RASSF2: variants seen among roughly 807,000 people sequenced by gnomAD.
RASSF2 encodes ras association domain-containing protein 2.
A neutral mutation model predicts 46.3 loss-of-function variants in RASSF2; 34 were observed. The observed-to-expected ratio is 0.73, with a 90% CI of 0.56 to 0.98. RASSF2 has a LOEUF of 0.98. Among genes scored for constraint, RASSF2 ranks in the 50% least tolerant of loss-of-function variants. The probability of loss-of-function intolerance (pLI) is 0.00; values close to 1 mark genes in which losing one functional copy is unlikely to be tolerated. For missense variants in RASSF2, 364 were observed against 431.2 expected (o/e 0.84, Z 1.38); for synonymous variants, 158 against 162.5 (o/e 0.97, Z 0.21).
intron 5 of RASSF2, among the ~76,000 whole-genome samples, chr20:4,793,878 T>C (rs1926112041): frequency 6.6e-6 from 1 of 152,106 alleles, no homozygotes; most frequent in Admixed American, 6.5e-5. Flanking sequence ...ACCAAAGTAT[T>C]TTGCAGAGTC....
intron 10 of RASSF2, among the ~76,000 whole-genome samples, chr20:4,787,194 G>T (rs1925431789): frequency 6.6e-6 from 1 of 152,142 alleles, no homozygotes; most frequent in Non-Finnish European, 1.5e-5. Flanking sequence ...ACTGGCTTTG[G>T]CCAGTGGAAT....
In RASSF2 at chr20:4,790,361, T is replaced by C; in HGVS notation, c.537+90A>G. On this transcript the variant is annotated intron_variant, in intron 7 of 11. Transcript: ENST00000379400. This position sits in a 1 kb window ranked among gnomAD's most constrained non-coding sequence, Gnocchi z 4.3. ...CAGCAAACACTTGGCTTCCCAGGCATCCACACCACCCACCATATGGCTGTA... is the reference window on the plus strand; with the variant it reads ...CAGCAAACACTTGGCTTCCCAGGCACCCACACCACCCACCATATGGCTGTA... 1 of 1,322,584 alleles carries C rather than the reference T, an allele frequency of 7.6e-7. No homozygotes were observed. Among genetic ancestry groups the C allele is most frequent in the South Asian group, 2.3e-5 (1 of 43,430 alleles). The allele number at this position is 1,322,584 out of a possible 1,614,324, so 81.9% of individuals were successfully genotyped here. A position where few individuals can be genotyped will look rare whatever the true frequency, so the allele number is the denominator to read the frequency against.
rs547977261 is a variant in RASSF2 at position 4,790,686 on chromosome 20, G to A, written c.377-75C>T. The A allele has an allele frequency of 5.7e-6, 7 of 1,238,094 alleles. No individual in the cohort carries two copies. The highest frequency in any genetic ancestry group is 2.9e-5 in the East Asian group (1 of 34,824). The allele number at this position is 1,238,094 out of a possible 1,614,324, so 76.7% of individuals were successfully genotyped here. ...GCACATGGTCCCCAATTTGTGGCCA[G>A]TGCGACAGCACCCACTGTCTCCACA... On this transcript the variant is annotated intron_variant, in intron 6 of 11. Transcript: ENST00000379400. This position sits in a 1 kb window ranked among gnomAD's most constrained non-coding sequence, Gnocchi z 4.3.
intron 2 of RASSF2, among the ~76,000 whole-genome samples, chr20:4,814,171 G>T (rs1322473854): frequency 1.3e-5 from 2 of 152,116 alleles, no homozygotes; most frequent in Non-Finnish European, 2.9e-5. Flanking sequence ...AGGATTTAAG[G>T]GAGGCCACCC....
chr20:4,784,336 G>A lies in RASSF2; in HGVS notation c.918C>T (p.Thr306=), dbSNP rs529880436. Residue 306 remains threonine, a synonymous_variant, in exon 12 of 12, where the codon ACC becomes ACT. Transcript: ENST00000379400. ...TCTGTCGAATCATTAGCCGGAGCACGGTGTACCTGGAGACAAGAAACAGGC... is the reference window on the plus strand; with the variant it reads ...TCTGTCGAATCATTAGCCGGAGCACAGTGTACCTGGAGACAAGAAACAGGC... ...REVKKLMRKY[T]VLRLMIRQRL... is the part of the protein sequence containing the mutation. 15 of 1,613,586 alleles carry A rather than the reference G, an allele frequency of 9.3e-6. No individual in the cohort carries two copies. Among genetic ancestry groups the A allele is most frequent in the South Asian group, 5.5e-5 (5 of 91,048 alleles).
chr20:4,803,865 C>G (rs1262735155), intron 2 of RASSF2, among the ~76,000 whole-genome samples: 1 of 152,094 alleles, frequency 6.6e-6, no homozygotes, highest in Non-Finnish European at 1.5e-5. Flanking sequence ...TCAAGACCAG[C>G]CTGGGCAACA....
At chr20:4,808,842 T>C (rs531036597) in intron 2 of RASSF2, among the ~76,000 whole-genome samples, 1 of 152,212 alleles carries the variant, frequency 6.6e-6, no homozygotes, top group Non-Finnish European at 1.5e-5. Flanking sequence ...TCTACTGAAC[T>C]TCCTCTATGA....
At chr20:4,806,407 ATTCTATCT>A (rs1342399651) in intron 2 of RASSF2, among the ~76,000 whole-genome samples, 1 of 152,102 alleles carries the variant, frequency 6.6e-6, no homozygotes, top group Non-Finnish European at 1.5e-5. Flanking sequence ...GGGAAATGTT[ATTCTATCT>A]TTCTTTGATT....
intron 11 of RASSF2, among the ~76,000 whole-genome samples, chr20:4,785,615 G>T (rs1019760529): frequency 2.0e-5 from 3 of 152,180 alleles, no homozygotes; most frequent in Non-Finnish European, 4.4e-5. Flanking sequence ...AAGGGAGGAA[G>T]GGGGAGAGGA....
rs2423004 is a variant in RASSF2 at position 4,795,799 on chromosome 20, G to A, written c.287+16C>T. ...AGCATCCCAGTCATCTCCCTGCCCC[G>A]TCTCTCCTCACTCACCCCTGAGCCC... On this transcript the variant is annotated intron_variant, in intron 5 of 11. Coordinates refer to ENST00000379400, the MANE Select transcript of RASSF2 (RefSeq NM_014737.3). This position sits in a 1 kb window ranked among gnomAD's most constrained non-coding sequence, Gnocchi z 4.0. 638,988 of 1,597,748 alleles carry A rather than the reference G, an allele frequency of 0.4. 129,561 individuals carry two copies. Among genetic ancestry groups the A allele is most frequent in the Admixed American group, 0.48 (28,194 of 58,754 alleles).
At chr20:4,820,783 G>A (rs1240030959) in intron 2 of RASSF2, among the ~76,000 whole-genome samples, 5 of 152,130 alleles carry the variant, frequency 3.3e-5, no homozygotes, top group African/African-American at 1.2e-4. Context: ...CTGGAAGAGA[G>A]GAGGAGATGA....
intron 4 of RASSF2, 145 bp downstream of exon 4, chr20:4,797,865 A>G (rs142140937): frequency 1.0e-3 from 1,370 of 1,367,198 alleles, no homozygotes; most frequent in Non-Finnish European, 1.2e-3. Flanking sequence ...TCTTCTTCCA[A>G]AGAACCCCAA....
At chr20:4,810,765 G>T (rs1342624822) in intron 2 of RASSF2, among the ~76,000 whole-genome samples, 1 of 152,184 alleles carries the variant, frequency 6.6e-6, no homozygotes, top group Non-Finnish European at 1.5e-5. Context: ...GCTCCCAGTG[G>T]GGGTGAGGGA....
rs188091077 is a variant in RASSF2, at chr20:4,797,283, C to T, written c.135+727G>A. On this transcript the variant is annotated intron_variant, in intron 4 of 11. Transcript: ENST00000379400. ...CCACATACTGTCCCCAAGCAACCTG[C>T]CCTAGCAGCTGAAATTCCACCATCT... Among the ~76,000 whole-genome samples the T allele has an allele frequency of 1.5e-3, 232 of 152,288 alleles. 1 individual carries two copies. Among genetic ancestry groups the T allele is most frequent in the African/African-American group, 5.0e-3 (207 of 41,554 alleles).
chr20:4,806,077 C>T (rs1265749971), intron 2 of RASSF2, among the ~76,000 whole-genome samples: 1 of 152,126 alleles, frequency 6.6e-6, no homozygotes, highest in Non-Finnish European at 1.5e-5. Flanking sequence ...GGGCCTAGAG[C>T]AGGGTTCCCA....
chr20:4,796,201 T>C (rs765770656), intron 4 of RASSF2, among the ~76,000 whole-genome samples: 9 of 152,224 alleles, frequency 5.9e-5, no homozygotes, highest in Non-Finnish European at 1.2e-4. Context: ...GCTGTGAAAT[T>C]CAAATACATA....
At chr20:4,787,039 C>T (rs1925416400) in intron 10 of RASSF2, among the ~76,000 whole-genome samples, 1 of 150,392 alleles carries the variant, frequency 6.6e-6, no homozygotes. Flanking sequence ...GCCTGGGCAA[C>T]AGAGCGAGAC....
Position 4,812,549 on chromosome 20 carries a change from T to A in RASSF2, c.-33+9780A>T, listed in dbSNP as rs552539133. Reference sequence around the variant, plus strand: ...GGAGAGGTTCTCCCACTTGAGTGTGTATTGGAATCTCTCCGAGGGCTCGTT... The same window carrying A: ...GGAGAGGTTCTCCCACTTGAGTGTGAATTGGAATCTCTCCGAGGGCTCGTT... On this transcript the variant is annotated intron_variant, in intron 2 of 11. Transcript: ENST00000379400. The surrounding 1 kb of genome is among the most constrained non-coding windows in gnomAD (Gnocchi z 4.0). Among the ~76,000 whole-genome samples the A allele has an allele frequency of 6.6e-6, 1 of 152,296 alleles. No individual in the cohort carries two copies. The highest frequency in any genetic ancestry group is 2.4e-5 in the African/African-American group (1 of 41,576).
intron 2 of RASSF2, among the ~76,000 whole-genome samples, chr20:4,817,558 T>C (rs1928405036): frequency 6.6e-6 from 1 of 152,074 alleles, no homozygotes; most frequent in Admixed American, 6.5e-5. Flanking sequence ...CAGACTCTAC[T>C]TGGGTGTCTA....
Sources: allele counts gnomAD v4.1 joint callset (sites outside exome capture counted in the v4.1 genomes callset), GRCh38; gene constraint gnomAD v4.1.1; non-coding constraint Gnocchi (gnomAD v3.1); transcripts MANE v1.5; gene names NCBI Gene and HGNC (gene_info 2026-07-23, HGNC 2026-07-21).